FLRT1: variants seen among roughly 807,000 people sequenced by gnomAD.
FLRT1 encodes leucine-rich repeat transmembrane protein FLRT1.
In FLRT1, 14 loss-of-function variants were observed where a neutral mutation model predicts 30.9. The ratio of observed to expected loss-of-function variants is 0.45; its 90% CI spans 0.30 to 0.71. FLRT1 has a LOEUF of 0.71. Among genes scored for constraint, FLRT1 ranks in the 30% least tolerant of loss-of-function variants. The pLI is 0.08. For synonymous variants in FLRT1, 368 were observed against 430.4 expected (o/e 0.85, Z 1.80); for missense variants, 737 against 949.2 (o/e 0.78, Z 2.94).
intron 1 of FLRT1, among the ~76,000 whole-genome samples, chr11:64,094,475 GA>G (rs1269823143): frequency 6.6e-6 from 1 of 152,030 alleles, no homozygotes; most frequent in African/African-American, 2.4e-5. Flanking sequence ...GCAGGCTGGG[GA>G]CAAGGAAGGG....
rs544567145 is a variant in FLRT1 at position 64,118,144 on chromosome 11, C to T, written c.1877C>T (p.Pro626Leu). The T allele has an allele frequency of 9.9e-6, 16 of 1,613,812 alleles. No individual in the cohort carries two copies. Among genetic ancestry groups the T allele is most frequent in the African/African-American group, 4.0e-5 (3 of 75,068 alleles). ...GPGLQMLPIN[P>L]YRAKEEYVVH... ...GGGCTGCAGATGCTGCCCATCAACC[C>T]GTACCGCGCCAAAGAAGAGTACGTG... is the stretch of plus-strand genomic sequence containing the variant. Residue 626 changes from proline (P) to leucine (L), a missense_variant, in exon 3 of 3, where the codon CCG becomes CTG. Physicochemically the swap from Pro to Leu is moderately conservative, Grantham distance 98. Transcript: ENST00000682287.
intron 1 of FLRT1, among the ~76,000 whole-genome samples, chr11:64,040,822 C>T (rs1300251132): frequency 6.6e-6 from 1 of 152,014 alleles, no homozygotes; most frequent in South Asian, 2.1e-4. Flanking sequence ...TCCTGGAGGG[C>T]CCCGGACCCG....
intron 1 of FLRT1, among the ~76,000 whole-genome samples, chr11:64,094,810 G>A (rs1944549191): frequency 6.6e-6 from 1 of 152,254 alleles, no homozygotes; most frequent in South Asian, 2.1e-4. Flanking sequence ...TGTGCCTGGG[G>A]TTCACAGGGG....
At chr11:64,039,814 T>C (rs1264278968) in intron 1 of FLRT1, among the ~76,000 whole-genome samples, 1 of 152,176 alleles carries the variant, frequency 6.6e-6, no homozygotes, top group Non-Finnish European at 1.5e-5. Context: ...TGGAGGTTGT[T>C]TGCTGGATTC....
intron 1 of FLRT1, among the ~76,000 whole-genome samples, chr11:64,078,122 G>A (rs899843441): frequency 2.6e-5 from 4 of 152,220 alleles, no homozygotes; most frequent in Admixed American, 2.0e-4. Flanking sequence ...GGGGCTGCAG[G>A]CAGCACTCCT....
intron 2 of FLRT1, among the ~76,000 whole-genome samples, chr11:64,107,498 C>A (rs144460078): frequency 3.9e-5 from 6 of 152,318 alleles, no homozygotes; most frequent in African/African-American, 1.4e-4. Flanking sequence ...GCCACCCAGC[C>A]GGCCTATGTG....
chr11:64,051,510 CT>C (rs1360236946), intron 1 of FLRT1, among the ~76,000 whole-genome samples: 1 of 152,182 alleles, frequency 6.6e-6, no homozygotes, highest in Non-Finnish European at 1.5e-5. Context: ...TCGCTCCTGG[CT>C]CCTGGGCGGC....
intron 1 of FLRT1, among the ~76,000 whole-genome samples, chr11:64,100,618 C>G (rs1043135687): frequency 1.3e-5 from 2 of 152,166 alleles, no homozygotes; most frequent in African/African-American, 4.8e-5. Flanking sequence ...ATTCTTGGGC[C>G]TCCTTTGGTT....
intron 1 of FLRT1, among the ~76,000 whole-genome samples, chr11:64,042,600 C>CT (rs1312652844): frequency 6.6e-6 from 1 of 152,128 alleles, no homozygotes; most frequent in Non-Finnish European, 1.5e-5. Context: ...GTGGCCAGGC[C>CT]TGTGGGGGTC....
At chr11:64,054,143 C>T (rs1248291198) in intron 1 of FLRT1, among the ~76,000 whole-genome samples, 4 of 152,176 alleles carry the variant, frequency 2.6e-5, no homozygotes, top group Non-Finnish European at 5.9e-5. Context: ...GCCTGGAGCC[C>T]CACGGCTAGC....
Position 64,116,877 on chromosome 11 carries a change from C to A in FLRT1, c.610C>A (p.Arg204=). ...GCTGCCGCACACGCTGGAGGAGCTG[C>A]GGCTGGATGACAACCGCATCTCCAC... is the stretch of plus-strand genomic sequence containing the variant. ...SGLPHTLEEL[R]LDDNRISTIP... is the part of the protein sequence containing the mutation. Residue 204 remains arginine, a synonymous_variant, in exon 3 of 3, where the codon CGG becomes AGG. Coordinates refer to ENST00000682287, the MANE Select transcript of FLRT1 (RefSeq NM_013280.5). 6.2e-7 allele frequency: 1 copy of A among 1,611,764 alleles called. No homozygotes were observed. The highest frequency in any genetic ancestry group is 8.5e-7 in the Non-Finnish European group (1 of 1,179,960).
chr11:64,042,790 C>T (rs967972471), intron 1 of FLRT1, among the ~76,000 whole-genome samples: 24 of 152,320 alleles, frequency 1.6e-4, no homozygotes, highest in Admixed American at 1.5e-3. Flanking sequence ...CCACTCAGAG[C>T]AGCACCATGG....
chr11:64,049,572 T>C (rs1018571800), intron 1 of FLRT1, among the ~76,000 whole-genome samples: 2 of 152,206 alleles, frequency 1.3e-5, no homozygotes, highest in African/African-American at 2.4e-5. Flanking sequence ...GCTGGTTCTA[T>C]TGGCTTCCTG....
intron 1 of FLRT1, among the ~76,000 whole-genome samples, chr11:64,088,112 G>A (rs1944426393): frequency 6.6e-6 from 1 of 152,194 alleles, no homozygotes; most frequent in Non-Finnish European, 1.5e-5. Flanking sequence ...CCACCCCAGG[G>A]CCCCAGGAGT....
chr11:64,070,288 G>A (rs2134459901), intron 1 of FLRT1, among the ~76,000 whole-genome samples: 1 of 152,240 alleles, frequency 6.6e-6, no homozygotes, highest in Non-Finnish European at 1.5e-5. Context: ...GCCCAGCCTT[G>A]GGGAAGGAAT....
chr11:64,105,208 C>T (rs1362046479), intron 2 of FLRT1, among the ~76,000 whole-genome samples: 8 of 152,198 alleles, frequency 5.3e-5, no homozygotes, highest in African/African-American at 1.4e-4. Context: ...GTGCCTGAGC[C>T]GGAGCTGGGC....
intron 1 of FLRT1, among the ~76,000 whole-genome samples, chr11:64,092,458 G>A (rs997853291): frequency 9.9e-5 from 15 of 152,216 alleles, no homozygotes; most frequent in African/African-American, 3.6e-4. Context: ...CCTATGTGCC[G>A]CTGGAGAGGT....
At chr11:64,083,937 G>A (rs1361400501) in intron 1 of FLRT1, among the ~76,000 whole-genome samples, 1 of 152,206 alleles carries the variant, frequency 6.6e-6, no homozygotes, top group Non-Finnish European at 1.5e-5. Flanking sequence ...GCACATATGC[G>A]GCAGCCCGGC....
At chr11:64,038,125 T>C (rs1330281191) in intron 1 of FLRT1, among the ~76,000 whole-genome samples, 1 of 152,070 alleles carries the variant, frequency 6.6e-6, no homozygotes, top group Non-Finnish European at 1.5e-5. Flanking sequence ...AGGCCTCCCA[T>C]GAAAGCCCCT....
Sources: gnomAD v4.1 joint callset for allele counts (sites outside exome capture counted in the v4.1 genomes callset) on GRCh38, gnomAD v4.1.1 for gene constraint, MANE v1.5 for transcripts, NCBI Gene and HGNC (gene_info 2026-07-23, HGNC 2026-07-21) for gene names.